The following PRKACB variants were observed in gnomAD, a reference collection of about 807,000 sequenced individuals.
PRKACB encodes protein kinase cAMP-activated catalytic subunit beta, also known as cAMP-dependent protein kinase catalytic subunit beta.
Under a neutral mutation model 51.4 loss-of-function variants are expected in PRKACB, and 16 were observed. That is an observed-to-expected ratio of 0.31 (90% CI 0.21 to 0.47). The LOEUF (loss-of-function observed/expected upper bound fraction) is 0.47. Ranked by LOEUF, PRKACB falls within the 20% of genes least tolerant of loss-of-function variation. The pLI is 1.00. For synonymous variants in PRKACB, 147 were observed against 154.4 expected (o/e 0.95, Z 0.35); for missense variants, 309 against 464.5 (o/e 0.67, Z 3.08).
At chr1:84,127,988 A>G (rs1384152791) in intron 1 of PRKACB, among the ~76,000 whole-genome samples, 2 of 137,004 alleles carry the variant, frequency 1.5e-5, no homozygotes, top group Non-Finnish European at 3.2e-5. Flanking sequence ...TGTTAGAATT[A>G]TTTCTTTTCT....
intron 1 of PRKACB, among the ~76,000 whole-genome samples, chr1:84,093,024 C>T (rs1348937584): frequency 6.6e-6 from 1 of 151,906 alleles, no homozygotes; most frequent in East Asian, 1.9e-4. Context: ...ATGTCTTCTT[C>T]CGTTTCATAG....
At chr1:84,212,604 C>A (rs900049734) in intron 8 of PRKACB, among the ~76,000 whole-genome samples, 1 of 152,068 alleles carries the variant, frequency 6.6e-6, no homozygotes, top group Admixed American at 6.6e-5. Context: ...CACTTTATGG[C>A]CTGATGACTG....
At chr1:84,176,845 A>G (rs1169345880) in intron 1 of PRKACB, among the ~76,000 whole-genome samples, 2 of 152,006 alleles carry the variant, frequency 1.3e-5, no homozygotes, top group Non-Finnish European at 2.9e-5. Flanking sequence ...TGATGAGTAC[A>G]GAGAGTATTT....
At chr1:84,234,287 G>A (rs1676307805) in intron 9 of PRKACB, among the ~76,000 whole-genome samples, 1 of 152,236 alleles carries the variant, frequency 6.6e-6, no homozygotes, top group African/African-American at 2.4e-5. Flanking sequence ...ATCTCCAGCT[G>A]TGTGCTGGGA....
intron 9 of PRKACB, among the ~76,000 whole-genome samples, chr1:84,216,411 C>T (rs1399739878): frequency 2.0e-5 from 3 of 151,988 alleles, no homozygotes; most frequent in African/African-American, 4.8e-5. Context: ...GCAAAAAGAA[C>T]ATATAGCCAG....
intron 1 of PRKACB, among the ~76,000 whole-genome samples, chr1:84,107,965 A>G (rs902163943): frequency 5.9e-5 from 9 of 152,102 alleles, no homozygotes; most frequent in African/African-American, 2.2e-4. Context: ...TGGACCCAGC[A>G]ATCCCACCAG....
chr1:84,232,307 C>A (rs1471948685), intron 9 of PRKACB, among the ~76,000 whole-genome samples: 7 of 152,004 alleles, frequency 4.6e-5, no homozygotes, highest in African/African-American at 4.8e-5. Context: ...AATTTCTGTT[C>A]TTTTACATTT....
chr1:84,095,987 T>C (rs1171706256), intron 1 of PRKACB, among the ~76,000 whole-genome samples: 1 of 152,106 alleles, frequency 6.6e-6, no homozygotes, highest in East Asian at 1.9e-4. Flanking sequence ...TTTGGTCTTA[T>C]CTTTTGGCAT....
intron 1 of PRKACB, among the ~76,000 whole-genome samples, chr1:84,124,803 G>A (rs1651418849): frequency 6.6e-6 from 1 of 152,110 alleles, no homozygotes; most frequent in South Asian, 2.1e-4. Flanking sequence ...TTAGTTATGG[G>A]ACTACCTGGC....
At chr1:84,100,918 CA>C (rs1649303953) in intron 1 of PRKACB, among the ~76,000 whole-genome samples, 1 of 152,156 alleles carries the variant, frequency 6.6e-6, no homozygotes, top group Admixed American at 6.5e-5. Context: ...GACTTGAACC[CA>C]AACAGTGACT....
chr1:84,099,480 G>T (rs956225913), intron 1 of PRKACB, among the ~76,000 whole-genome samples: 2 of 151,922 alleles, frequency 1.3e-5, no homozygotes, highest in African/African-American at 4.8e-5. Flanking sequence ...CCTTATTTCT[G>T]TGGAAATATA....
intron 1 of PRKACB, among the ~76,000 whole-genome samples, chr1:84,165,456 T>A (rs114645949): frequency 6.6e-6 from 1 of 151,852 alleles, no homozygotes; most frequent in Non-Finnish European, 1.5e-5. Context: ...GAAAATAAGA[T>A]GCTGCCAGAA....
At chr1:84,110,615 A>G (rs539374186) in intron 1 of PRKACB, among the ~76,000 whole-genome samples, 7 of 151,908 alleles carry the variant, frequency 4.6e-5, no homozygotes, top group South Asian at 2.1e-4. Context: ...AGTCATCAAT[A>G]ATTTGTTGTG....
intron 1 of PRKACB, among the ~76,000 whole-genome samples, chr1:84,158,451 A>G (rs1655787935): frequency 6.6e-6 from 1 of 152,176 alleles, no homozygotes. Flanking sequence ...AAGTTTTTAT[A>G]ACCCATTTGT....
chr1:84,140,971 C>T (rs1471611075), upstream of PRKACB, among the ~76,000 whole-genome samples: 2 of 151,992 alleles, frequency 1.3e-5, no homozygotes, highest in Non-Finnish European at 2.9e-5. Context: ...AGTAATTTCA[C>T]AATGGTTTTA....
At chr1:84,121,680 A>C (rs1355327576) in intron 1 of PRKACB, among the ~76,000 whole-genome samples, 1 of 152,116 alleles carries the variant, frequency 6.6e-6, no homozygotes, top group African/African-American at 2.4e-5. Flanking sequence ...TTGTGAACAC[A>C]ATGCTAGAAT....
intron 1 of PRKACB, among the ~76,000 whole-genome samples, chr1:84,150,343 C>G (rs1654694374): frequency 1.3e-5 from 2 of 151,992 alleles, no homozygotes; most frequent in African/African-American, 4.8e-5. Flanking sequence ...ATTCTCAAAA[C>G]AGTATATTGA....
At chr1:84,120,829 G>A (rs1651006724) in intron 1 of PRKACB, among the ~76,000 whole-genome samples, 1 of 151,840 alleles carries the variant, frequency 6.6e-6, no homozygotes, top group Admixed American at 6.6e-5. Flanking sequence ...GAAATAGGGT[G>A]GTGATATCTA....
intron 1 of PRKACB, among the ~76,000 whole-genome samples, chr1:84,089,594 TTCTCTATACTC>T (rs1209285144): frequency 6.6e-6 from 1 of 152,170 alleles, no homozygotes; most frequent in African/African-American, 2.4e-5. Flanking sequence ...CCCACAATGT[TTCTCTATACTC>T]TAAGCTCTGC....
Sources: gnomAD v4.1 joint callset for allele counts (sites outside exome capture counted in the v4.1 genomes callset) on GRCh38, gnomAD v4.1.1 for gene constraint, MANE v1.5 for transcripts, NCBI Gene and HGNC (gene_info 2026-07-23, HGNC 2026-07-21) for gene names.